Variants in PEX7 observed in about 807,000 individuals in gnomAD.
The protein encoded by PEX7 is peroxisomal biogenesis factor 7.
In PEX7, 34 loss-of-function variants were observed where a neutral mutation model predicts 47.5. The observed-to-expected ratio is 0.72, with a 90% confidence interval of 0.54 to 0.95. The LOEUF is 0.95. PEX7 is among the 40% of genes least tolerant of loss of function. The probability of loss-of-function intolerance (pLI) is 0.00; values close to 1 mark genes in which losing one functional copy is unlikely to be tolerated. For missense variants in PEX7, 394 were observed against 400.3 expected (o/e 0.98, Z 0.13); for synonymous variants, 141 against 148.8 (o/e 0.95, Z 0.38).
chr6:136,824,556 A>T (rs1020308384), intron 1 of PEX7, among the ~76,000 whole-genome samples: 7 of 149,064 alleles, frequency 4.7e-5, no homozygotes, highest in Non-Finnish European at 3.0e-5. Context: ...ATTGGTATTT[A>T]AAAAAAAAAA....
At chr6:136,861,530 A>G (rs1409022820) in intron 5 of PEX7, among the ~76,000 whole-genome samples, 1 of 152,100 alleles carries the variant, frequency 6.6e-6, no homozygotes, top group East Asian at 1.9e-4. Context: ...AGTATATATT[A>G]TTTAGGCATT....
At chr6:136,899,075 C>CT (rs1562757198) in intron 9 of PEX7, among the ~76,000 whole-genome samples, 6 of 108,722 alleles carry the variant, frequency 5.5e-5, no homozygotes, top group African/African-American at 6.6e-5. Flanking sequence ...TTTTTTTTTT[C>CT]TTTTCTTTTT....
chr6:136,911,715 G>A (rs529576115), intron 9 of PEX7, among the ~76,000 whole-genome samples: 4 of 108,998 alleles, frequency 3.7e-5, no homozygotes, highest in East Asian at 5.3e-4. Context: ...CCTTGTTTTC[G>A]ATTTTTTGCT....
intron 5 of PEX7, among the ~76,000 whole-genome samples, chr6:136,846,500 CA>C (rs1398287828): frequency 6.6e-6 from 1 of 152,090 alleles, no homozygotes; most frequent in Non-Finnish European, 1.5e-5. Context: ...CCCCTTCCCC[CA>C]CCCCATGACA....
intron 8 of PEX7, among the ~76,000 whole-genome samples, chr6:136,896,792 A>G (rs1303333189): frequency 6.6e-6 from 1 of 152,210 alleles, no homozygotes; most frequent in Non-Finnish European, 1.5e-5. Context: ...ATTATTTCAG[A>G]TAATGCAAAT....
At chr6:136,884,550 T>C (rs1775434887) in intron 8 of PEX7, among the ~76,000 whole-genome samples, 1 of 152,184 alleles carries the variant, frequency 6.6e-6, no homozygotes, top group African/African-American at 2.4e-5. Context: ...AATTTTAAAA[T>C]TGTTTATATG....
At chr6:136,873,222 G>A (rs929187667) in intron 8 of PEX7, among the ~76,000 whole-genome samples, 3 of 152,138 alleles carry the variant, frequency 2.0e-5, no homozygotes, top group Non-Finnish European at 2.9e-5. Flanking sequence ...CTGTATCAAA[G>A]AGATCATTCT....
intron 9 of PEX7, among the ~76,000 whole-genome samples, chr6:136,902,015 C>T (rs1034210726): frequency 8.5e-5 from 13 of 152,306 alleles, no homozygotes; most frequent in Non-Finnish European, 1.3e-4. Context: ...AAACTCCCGA[C>T]CTCAGGTGAT....
At chr6:136,898,270 T>G in intron 9 of PEX7, 29 bp downstream of exon 9, 5 of 1,341,092 alleles carry the variant, frequency 3.7e-6, no homozygotes, top group Non-Finnish European at 4.3e-6. Context: ...TGATATTCTC[T>G]TCTGCCCAAG....
intron 5 of PEX7, among the ~76,000 whole-genome samples, chr6:136,855,412 T>C (rs942428316): frequency 6.6e-6 from 1 of 151,192 alleles, no homozygotes; most frequent in African/African-American, 2.4e-5. Context: ...CAATCTCAGC[T>C]CACTGCAACT....
At chr6:136,909,035 G>A (rs532507895) in intron 9 of PEX7, among the ~76,000 whole-genome samples, 25 of 152,110 alleles carry the variant, frequency 1.6e-4, no homozygotes, top group African/African-American at 4.8e-4. Flanking sequence ...TACATATTAC[G>A]CTACAGTATA....
At chr6:136,870,691 C>T in intron 7 of PEX7, 1 of 377,450 alleles carries the variant, frequency 2.6e-6, no homozygotes, top group Non-Finnish European at 5.2e-6. Flanking sequence ...GTTATTCCTA[C>T]TATTTAAAAA....
At chr6:136,825,942 C>T (rs1166586514) in intron 2 of PEX7, among the ~76,000 whole-genome samples, 5 of 152,146 alleles carry the variant, frequency 3.3e-5, no homozygotes, top group Admixed American at 3.3e-4. Flanking sequence ...TGGGCCACTA[C>T]ACTCCAGCCT....
intron 8 of PEX7, among the ~76,000 whole-genome samples, chr6:136,881,832 C>T (rs557313192): frequency 3.9e-5 from 6 of 152,188 alleles, no homozygotes; most frequent in Admixed American, 6.5e-5. Flanking sequence ...GGACAGGGAG[C>T]GGGGGATAGA....
intron 6 of PEX7, among the ~76,000 whole-genome samples, chr6:136,869,324 C>G (rs1004115180): frequency 6.6e-6 from 1 of 152,064 alleles, no homozygotes; most frequent in Non-Finnish European, 1.5e-5. Context: ...ACACTGTAGC[C>G]TCTGACTCTT....
intron 5 of PEX7, among the ~76,000 whole-genome samples, chr6:136,859,865 ACT>A (rs1332699295): frequency 6.6e-6 from 1 of 151,744 alleles, no homozygotes; most frequent in African/African-American, 2.4e-5. Context: ...TCTACTAAAA[ACT>A]CAAAAAAATT....
intron 3 of PEX7, among the ~76,000 whole-genome samples, chr6:136,833,151 A>G (rs1774324197): frequency 6.6e-6 from 1 of 152,186 alleles, no homozygotes; most frequent in Non-Finnish European, 1.5e-5. Context: ...TAATTGACTC[A>G]CAGTTCTGCA....
At chr6:136,880,769 A>G (rs1221132123) in intron 8 of PEX7, among the ~76,000 whole-genome samples, 1 of 152,206 alleles carries the variant, frequency 6.6e-6, no homozygotes, top group African/African-American at 2.4e-5. Context: ...CTTTGTTTGT[A>G]TAAAATGTAC....
chr6:136,826,266 A>G (rs899482872), intron 2 of PEX7, 53 bp from the exon 3 acceptor site: 1 of 1,577,390 alleles, frequency 6.3e-7, no homozygotes, highest in African/African-American at 1.3e-5. Flanking sequence ...TTTGTTGTGT[A>G]GCTGCCTATG....
Sources: gnomAD v4.1 joint callset for allele counts (sites outside exome capture counted in the v4.1 genomes callset) on GRCh38, gnomAD v4.1.1 for gene constraint, MANE v1.5 for transcripts, NCBI Gene and HGNC (gene_info 2026-07-23, HGNC 2026-07-21) for gene names.